VPS13C: variants seen among roughly 807,000 people sequenced by gnomAD.
VPS13C encodes the protein vacuolar protein sorting 13 homolog C, also known as intermembrane lipid transfer protein VPS13C.
VPS13C carries 358 observed loss-of-function variants against 456.8 expected under a neutral mutation model. That is an observed-to-expected ratio of 0.78 (90% CI 0.72 to 0.86). VPS13C has a LOEUF of 0.86. Among genes scored for constraint, VPS13C ranks in the 40% least tolerant of loss-of-function variants. The pLI is 0.00. For synonymous variants in VPS13C, 1,578 were observed against 1,486.7 expected (o/e 1.06, Z -1.41); for missense variants, 4,818 against 4,385.4 (o/e 1.10, Z -2.79).
At position 61,920,193 on chromosome 15, in the gene VPS13C, T is replaced by G. The variant is rs938707708; in HGVS notation, c.7351A>C (p.Ser2451Arg). The change falls in exon 57 of 85, where the codon AGT (serine) becomes CGT (arginine). Residue 2451 changes from serine to arginine, a missense_variant. Ser to Arg is a moderately radical substitution (Grantham distance 110, BLOSUM62 -1). Coordinates refer to ENST00000644861, the MANE Select transcript of VPS13C (RefSeq NM_020821.3). ...NLRVMGFPEK[S>R]DIFDVDAGQN... Reference sequence around the variant, plus strand: ...CCAGCATCAACATCAAAAATATCACTTTTCTCAGGGAAGCCCATTACTCTG... The same window carrying G: ...CCAGCATCAACATCAAAAATATCACGTTTCTCAGGGAAGCCCATTACTCTG... 1 of 1,613,612 alleles carries G rather than the reference T, an allele frequency of 6.2e-7. No homozygotes were observed. Among genetic ancestry groups the G allele is most frequent in the South Asian group, 1.1e-5 (1 of 91,054 alleles).
At chr15:62,037,765 G>C (rs1420865714) in intron 3 of VPS13C, among the ~76,000 whole-genome samples, 5 of 151,804 alleles carry the variant, frequency 3.3e-5, no homozygotes, top group African/African-American at 1.2e-4. Flanking sequence ...GAAGCATATA[G>C]GGCCACAATA....
At position 61,983,935 on chromosome 15, in the gene VPS13C, A is replaced by G. The variant is rs1159956866; in HGVS notation, c.1799T>C (p.Ile600Thr). 4.3e-6 allele frequency: 7 copies of G among 1,614,042 alleles called. No homozygotes were observed. The highest frequency in any genetic ancestry group is 1.3e-5 in the African/African-American group (1 of 74,942). ...QDIVPSLVAS[I>T]GDTTSSLLKI... ...AAGCAAGGATGATGTAGTGTCACCAATTGAAGCCACAAGTGATGGCACAAT... is the reference window on the plus strand; with the variant it reads ...AAGCAAGGATGATGTAGTGTCACCAGTTGAAGCCACAAGTGATGGCACAAT... Residue 600 changes from isoleucine (I) to threonine (T), a missense_variant, in exon 20 of 85, where the codon ATT (isoleucine) becomes ACT (threonine). Ile to Thr is a moderately conservative substitution (Grantham distance 89). Transcript: ENST00000644861.
intron 1 of VPS13C, among the ~76,000 whole-genome samples, chr15:62,047,114 C>T (rs1407097477): frequency 6.6e-6 from 1 of 151,640 alleles, no homozygotes; most frequent in African/African-American, 2.4e-5. Flanking sequence ...ACTTTACCCC[C>T]AGACACGTAA....
intron 16 of VPS13C, among the ~76,000 whole-genome samples, chr15:61,995,637 A>G (rs1936234444): frequency 6.6e-6 from 1 of 152,228 alleles, no homozygotes; most frequent in South Asian, 2.1e-4. Flanking sequence ...GATGATATTT[A>G]GAAGCTGAGG....
At chr15:61,854,772 T>TGG in intron 84 of VPS13C, 99 bp downstream of exon 84, 1 of 1,176,500 alleles carries the variant, frequency 8.5e-7, no homozygotes, top group Non-Finnish European at 1.2e-6. Context: ...TAGTTATATT[T>TGG]GGGAGAGCTT....
At chr15:61,955,956 C>T (rs1027211304) in intron 37 of VPS13C, among the ~76,000 whole-genome samples, 2 of 152,040 alleles carry the variant, frequency 1.3e-5, no homozygotes, top group African/African-American at 4.8e-5. Context: ...ACCTTTGACC[C>T]AGCACTCCTA....
intron 16 of VPS13C, among the ~76,000 whole-genome samples, chr15:61,994,248 T>C (rs2046309355): frequency 6.6e-6 from 1 of 152,172 alleles, no homozygotes; most frequent in South Asian, 2.1e-4. Context: ...ATCCCAATAT[T>C]AGTTCTCTTT....
At chr15:62,023,029 C>T (rs1171996520) in intron 8 of VPS13C, among the ~76,000 whole-genome samples, 2 of 151,880 alleles carry the variant, frequency 1.3e-5, no homozygotes, top group East Asian at 1.9e-4. Flanking sequence ...ATTTTAGTCA[C>T]TTTTTGGCCA....
intron 27 of VPS13C, among the ~76,000 whole-genome samples, chr15:61,970,099 T>C (rs1012583577): frequency 3.3e-5 from 5 of 152,110 alleles, no homozygotes; most frequent in Admixed American, 1.3e-4. Context: ...CCAGCCACCA[T>C]GTAAAAAGTT....
At chr15:61,917,762 G>A in intron 59 of VPS13C, 127 bp from the exon 60 acceptor site, 7 of 1,068,622 alleles carry the variant, frequency 6.6e-6, no homozygotes, top group African/African-American at 1.6e-5. Context: ...ATATACAGAT[G>A]AGGAAACCAG....
At chr15:61,948,222 A>G (rs1380609088) in intron 42 of VPS13C, among the ~76,000 whole-genome samples, 3 of 152,174 alleles carry the variant, frequency 2.0e-5, no homozygotes, top group Non-Finnish European at 4.4e-5. Context: ...TTTTTCATTT[A>G]TTCAACTGTG....
intron 18 of VPS13C, among the ~76,000 whole-genome samples, chr15:61,989,486 G>A (rs540620423): frequency 4.6e-5 from 7 of 151,852 alleles, no homozygotes; most frequent in Non-Finnish European, 8.8e-5. Context: ...GCCAACCCAC[G>A]TTTTTGGGGA....
At position 61,871,900 on chromosome 15, in the gene VPS13C, C is replaced by T. The variant is rs1014094015; in HGVS notation, c.10624+89G>A. On this transcript the variant is annotated intron_variant, in intron 79 of 84. Coordinates refer to ENST00000644861, the MANE Select transcript of VPS13C (RefSeq NM_020821.3). ...AAATTCAGTCAGTAATTTTCTCAAT[C>T]AAGTATATAGCAGCAATAACATCTA... 35 of 1,148,774 alleles carry T rather than the reference C, an allele frequency of 3.0e-5. No individual in the cohort carries two copies. The South Asian group carries it at 4.6e-4, about 15-fold the overall frequency. 71.2% of individuals were successfully genotyped at this position (1,148,774 alleles called of 1,614,324 possible). A position where few individuals can be genotyped will look rare whatever the true frequency, so the allele number is the denominator to read the frequency against.
intron 66 of VPS13C, among the ~76,000 whole-genome samples, chr15:61,905,271 G>A (rs2043122794): frequency 6.6e-6 from 1 of 152,070 alleles, no homozygotes; most frequent in Non-Finnish European, 1.5e-5. Context: ...ATTTTTAAAA[G>A]GAAAGAAATT....
intron 37 of VPS13C, among the ~76,000 whole-genome samples, chr15:61,955,545 G>C (rs961600967): frequency 6.6e-6 from 1 of 152,130 alleles, no homozygotes; most frequent in Non-Finnish European, 1.5e-5. Context: ...CTTTGACAAA[G>C]CATTGCATAG....
At chr15:62,046,932 C>T (rs924759882) in intron 1 of VPS13C, among the ~76,000 whole-genome samples, 12 of 151,730 alleles carry the variant, frequency 7.9e-5, no homozygotes, top group African/African-American at 2.7e-4. Context: ...TTAAAGATAG[C>T]TTTTTTATTG....
In VPS13C at chr15:62,032,882, CCAAA is replaced by C. The variant is rs1451708348; in HGVS notation, c.385+555_385+558del. On this transcript the variant is annotated intron_variant, in intron 5 of 84. Coordinates refer to ENST00000644861, the MANE Select transcript of VPS13C (RefSeq NM_020821.3). ...CATATCCTTGTTCTTGCTCTATAAA[CCAAA>C]CAAAGTCATCAGATTTATTTTTAGA... is the stretch of plus-strand genomic sequence containing the variant. Among the ~76,000 whole-genome samples the C allele has an allele frequency of 2.0e-5, 3 of 151,656 alleles. No homozygotes were observed. In the South Asian group the frequency reaches 6.2e-4, roughly 32 times the overall value.
At chr15:61,870,871 A>G (rs1894971670) in intron 79 of VPS13C, among the ~76,000 whole-genome samples, 1 of 152,146 alleles carries the variant, frequency 6.6e-6, no homozygotes, top group Non-Finnish European at 1.5e-5. Flanking sequence ...AATGATGTTT[A>G]CCATCCTTTT....
chr15:61,947,054 G>A, intron 43 of VPS13C, 139 bp downstream of exon 43: 1 of 559,300 alleles, frequency 1.8e-6, no homozygotes, highest in South Asian at 2.9e-5. Context: ...ACATTTTAAA[G>A]CACATCTTTG....
Sources: allele counts gnomAD v4.1 joint callset (sites outside exome capture counted in the v4.1 genomes callset), GRCh38; gene constraint gnomAD v4.1.1; transcripts MANE v1.5; gene names NCBI Gene and HGNC (gene_info 2026-07-23, HGNC 2026-07-21).